The following RBM17 variants were observed in gnomAD, a reference collection of about 807,000 sequenced individuals.
RBM17 encodes splicing factor 45.
Under a neutral mutation model 53.2 loss-of-function variants are expected in RBM17, and 7 were observed. That is an observed-to-expected ratio of 0.13 (90% CI 0.07 to 0.25). RBM17 has a LOEUF of 0.25. Ranked by LOEUF, RBM17 falls within the 10% of genes least tolerant of loss-of-function variation. The pLI is 1.00. For synonymous variants in RBM17, 167 were observed against 178.1 expected, an observed-to-expected ratio of 0.94 and a Z score of 0.50; for missense variants, 257 against 496.7, an observed-to-expected ratio of 0.52 and a Z score of 4.59.
intron 7 of RBM17, among the ~76,000 whole-genome samples, chr10:6,110,671 G>A (rs1840823857): frequency 6.6e-6 from 1 of 152,182 alleles, no homozygotes; most frequent in Admixed American, 6.5e-5. Context: ...TTGGTTAAGA[G>A]GATATTCTGT....
chr10:6,109,157 C>T (rs564434249), intron 6 of RBM17, among the ~76,000 whole-genome samples: 11 of 152,156 alleles, frequency 7.2e-5, no homozygotes, highest in Admixed American at 1.3e-4. Context: ...CGTTCCATTT[C>T]ACTGCAGGTG....
chr10:6,102,044 T>G (rs1435820351), intron 3 of RBM17, among the ~76,000 whole-genome samples: 1 of 152,186 alleles, frequency 6.6e-6, no homozygotes, highest in African/African-American at 2.4e-5. Context: ...AAAATCATAG[T>G]TAAAACTAGA....
intron 8 of RBM17, 184 bp from the exon 9 acceptor site, chr10:6,113,324 G>T: frequency 2.0e-6 from 1 of 495,756 alleles, no homozygotes; most frequent in Non-Finnish European, 3.6e-6. Flanking sequence ...GCAAAGCAGA[G>T]GCTTTTATTG....
intron 6 of RBM17, 92 bp downstream of exon 6, chr10:6,108,834 C>T (rs1257075516): frequency 2.2e-5 from 21 of 974,938 alleles, no homozygotes; most frequent in South Asian, 5.9e-5. Context: ...GTTTCCTGAG[C>T]GTAGAGGGAA....
chr10:6,116,699 T>C lies in RBM17; in HGVS notation c.*1143T>C, dbSNP rs1403440282. On this transcript the variant is annotated 3_prime_UTR_variant, in exon 12 of 12. Transcript: ENST00000379888. Reference sequence around the variant, plus strand: ...GCTGTCTCCTTTGGTTATTATGACATGAAAGTGTATCAAGAACTCAGCATT... The same window carrying C: ...GCTGTCTCCTTTGGTTATTATGACACGAAAGTGTATCAAGAACTCAGCATT... 6.6e-6 allele frequency: 1 copy of C among 152,370 alleles called. No individual in the cohort carries two copies. Among genetic ancestry groups the C allele is most frequent in the Non-Finnish European group, 1.5e-5 (1 of 68,042 alleles). The allele number at this position is 152,370 out of a possible 1,614,324, so 9.4% of individuals were successfully genotyped here.
downstream of RBM17, chr10:6,117,447 ATG>A (rs1478054742): frequency 4.6e-5 from 7 of 151,830 alleles, no homozygotes; most frequent in Non-Finnish European, 1.0e-4. Context: ...GTAAGCTACA[ATG>A]TAACTGGCAA....
chr10:6,110,455 C>T (rs1042315742), intron 7 of RBM17, among the ~76,000 whole-genome samples: 11 of 152,214 alleles, frequency 7.2e-5, no homozygotes, highest in African/African-American at 2.7e-4. Flanking sequence ...GACTTACTGT[C>T]TCCAAAGGGC....
At chr10:6,095,120 C>T (rs7096838) in intron 1 of RBM17, among the ~76,000 whole-genome samples, 142,806 of 152,292 alleles carry the variant, frequency 0.94, 67,082 homozygotes, top group Middle Eastern at 0.97. Flanking sequence ...AGGCCTGTCA[C>T]GAGACATCCC....
intron 3 of RBM17, among the ~76,000 whole-genome samples, chr10:6,101,703 T>TTTC (rs1357956946): frequency 6.6e-6 from 1 of 151,904 alleles, no homozygotes; most frequent in Non-Finnish European, 1.5e-5. Context: ...CTAACTTGCT[T>TTTC]TTCTTACTTA....
At position 6,112,205 on chromosome 10, in the gene RBM17, G is replaced by T; in HGVS notation, c.705-5G>T. 6.2e-7 allele frequency: 1 copy of T among 1,610,696 alleles called. No individual in the cohort carries two copies. Among genetic ancestry groups the T allele is most frequent in the Non-Finnish European group, 8.5e-7 (1 of 1,179,750 alleles). ...TAAGAGTCCTTTCCCTTCTTCTCCT[G>T]CCAGGGGCACGGTGGCGCACAAGAT... is the stretch of plus-strand genomic sequence containing the variant. On this transcript the variant is annotated splice_region_variant and splice_polypyrimidine_tract_variant and intron_variant, in intron 7 of 11. Transcript: ENST00000379888. This position sits in a 1 kb window ranked among gnomAD's most constrained non-coding sequence, Gnocchi z 4.4.
chr10:6,102,099 C>A (rs1046612046), intron 3 of RBM17, among the ~76,000 whole-genome samples: 30 of 152,118 alleles, frequency 2.0e-4, no homozygotes, highest in Non-Finnish European at 1.0e-4. Context: ...AAATTATACC[C>A]ACAATTTAAG....
chr10:6,116,181 G>A lies in RBM17; in HGVS notation c.*625G>A, dbSNP rs1182126005. On this transcript the variant is annotated 3_prime_UTR_variant, in exon 12 of 12. Coordinates refer to ENST00000379888, the MANE Select transcript of RBM17 (RefSeq NM_032905.5). ...TAGGCTAAATCAGACTGTAGGGTTT[G>A]TGATGGATTTATGGAGTATGTGGGT... is the stretch of plus-strand genomic sequence containing the variant. 1 of 152,394 alleles carries A rather than the reference G, an allele frequency of 6.6e-6. No homozygotes were observed. Among genetic ancestry groups the A allele is most frequent in the Non-Finnish European group, 1.5e-5 (1 of 68,060 alleles). 9.4% of individuals were successfully genotyped at this position (152,394 alleles called of 1,614,324 possible).
chr10:6,096,394 C>T (rs562000171), intron 1 of RBM17, among the ~76,000 whole-genome samples: 6 of 152,168 alleles, frequency 3.9e-5, no homozygotes, highest in Non-Finnish European at 8.8e-5. Flanking sequence ...TTTGTTTCCA[C>T]GTGTTCCTCT....
chr10:6,097,269 T>G, intron 2 of RBM17, 81 bp downstream of exon 2: 1 of 1,434,648 alleles, frequency 7.0e-7, no homozygotes, highest in Non-Finnish European at 9.7e-7. Context: ...TGGTTTCAGC[T>G]TGCTCTTCTG....
In RBM17 at chr10:6,098,486, G is replaced by A. The variant is rs138804076; in HGVS notation, c.123+1298G>A. Among the ~76,000 whole-genome samples, 979 of 148,314 alleles carry A rather than the reference G, an allele frequency of 6.6e-3. 2 individuals are homozygous for A. Among genetic ancestry groups the A allele is most frequent in the Non-Finnish European group, 0.011 (771 of 67,340 alleles). ...GAGTTGATAATTGTTGAAACTGGAT[G>A]TGGATAGTAGAGACTTAAGAATTAA... On this transcript the variant is annotated intron_variant, in intron 2 of 11. Transcript: ENST00000379888.
In RBM17 at chr10:6,108,564, A is replaced by T. The variant is rs376182854; in HGVS notation, c.506-122A>T. On this transcript the variant is annotated intron_variant, in intron 5 of 11. Transcript: ENST00000379888. ...TATGTAGCAGGAGGTCATCTGAAGT[A>T]GCAGGTCCTCCTTTTTTAGTTTTTT... 4.3e-5 allele frequency: 28 copies of T among 647,218 alleles called. No individual in the cohort carries two copies. The African/African-American group carries it at 5.2e-4, about 12-fold the overall frequency. 40.1% of individuals were successfully genotyped at this position (647,218 alleles called of 1,614,324 possible). A position where few individuals can be genotyped will look rare whatever the true frequency, so the allele number is the denominator to read the frequency against.
intron 2 of RBM17, among the ~76,000 whole-genome samples, chr10:6,100,580 G>GTGA (rs1004416806): frequency 6.6e-6 from 1 of 152,120 alleles, no homozygotes; most frequent in African/African-American, 2.4e-5. Flanking sequence ...GAAGATGATG[G>GTGA]TGATGATGAT....
chr10:6,097,299 G>C, intron 2 of RBM17, 111 bp downstream of exon 2: 1 of 1,108,546 alleles, frequency 9.0e-7, no homozygotes, highest in East Asian at 2.4e-5. Context: ...TGGGTAAATG[G>C]TGTTAAGCAT....
In RBM17 at chr10:6,099,370, AT is replaced by A. The variant is rs375559350; in HGVS notation, c.124-1898del. On this transcript the variant is annotated intron_variant, in intron 2 of 11. Coordinates refer to ENST00000379888, the MANE Select transcript of RBM17 (RefSeq NM_032905.5). ...TTGGCCTAGCCAAACCTGTAAAGGT[AT>A]TTATTTGGTAGAGAAAATTTGAAGC... Among the ~76,000 whole-genome samples the A allele has an allele frequency of 5.7e-3, 862 of 151,926 alleles. 2 individuals are homozygous for A. Among genetic ancestry groups the A allele is most frequent in the Middle Eastern group, 0.01 (3 of 292 alleles).
Sources: gnomAD v4.1 joint callset for allele counts (sites outside exome capture counted in the v4.1 genomes callset) on GRCh38, gnomAD v4.1.1 for gene constraint, Gnocchi (gnomAD v3.1) non-coding constraint, MANE v1.5 for transcripts, NCBI Gene and HGNC (gene_info 2026-07-23, HGNC 2026-07-21) for gene names.